TRIP6: variants seen among roughly 807,000 people sequenced by gnomAD.
The protein encoded by TRIP6 is thyroid receptor-interacting protein 6.
In TRIP6, 33 loss-of-function variants were observed where a neutral mutation model predicts 51.9. The ratio of observed to expected loss-of-function variants is 0.64; its 90% CI spans 0.48 to 0.85. TRIP6 has a LOEUF of 0.85. Among genes scored for constraint, TRIP6 ranks in the 40% least tolerant of loss-of-function variants. TRIP6 has a pLI of 0.00. For missense variants in TRIP6, 661 were observed against 652.1 expected, an observed-to-expected ratio of 1.01 and a Z score of -0.15; for synonymous variants, 255 against 275.8, an observed-to-expected ratio of 0.92 and a Z score of 0.75.
intron 4 of TRIP6, among the ~76,000 whole-genome samples, chr7:100,869,636 A>T (rs1358332286): frequency 1.3e-5 from 2 of 148,486 alleles, no homozygotes; most frequent in Non-Finnish European, 3.0e-5. Context: ...CTGTCTCAAA[A>T]AAAAAAAAAA....
Position 100,870,514 on chromosome 7 carries a change from CAG to C in TRIP6, c.829+54_829+55del, listed in dbSNP as rs530029396. On this transcript the variant is annotated intron_variant, in intron 5 of 8. Coordinates refer to ENST00000200457, the MANE Select transcript of TRIP6 (RefSeq NM_003302.3). ...GGACGTGGGAAGGGAGGCTGGGAGA[CAG>C]AGGGGACAGTGGCTTCCTGGGTCTG... 8.7e-4 allele frequency: 1,392 copies of C among 1,605,992 alleles called. 3 individuals are homozygous for C. The highest frequency in any genetic ancestry group is 8.5e-3 in the African/African-American group (635 of 74,930).
At chr7:100,872,772 G>A (rs762900030) in intron 8 of TRIP6, 28 bp downstream of exon 8, 3 of 1,613,308 alleles carry the variant, frequency 1.9e-6, no homozygotes, top group Non-Finnish European at 2.5e-6. Context: ...CGTGCAAGGG[G>A]CTGGCAGTGT....
At chr7:100,872,014 T>TG (rs1491286150) in intron 7 of TRIP6, among the ~76,000 whole-genome samples, 1 of 130,804 alleles carries the variant, frequency 7.6e-6, no homozygotes, top group Non-Finnish European at 1.7e-5. Context: ...GTTTTCTTCG[T>TG]TTTTTTTTTT....
At chr7:100,869,846 T>C (rs1463956532) in intron 4 of TRIP6, among the ~76,000 whole-genome samples, 1 of 150,830 alleles carries the variant, frequency 6.6e-6, no homozygotes, top group Non-Finnish European at 1.5e-5. Flanking sequence ...GGTTTCAGGA[T>C]GATTCAAGCA....
At position 100,868,161 on chromosome 7, in the gene TRIP6, A is replaced by AC; in HGVS notation, c.291_292insC (p.Asp98ArgfsTer27). 6.2e-7 allele frequency: 1 copy of AC among 1,611,132 alleles called. No homozygotes were observed. The highest frequency in any genetic ancestry group is 8.5e-7 in the Non-Finnish European group (1 of 1,179,034). On this transcript the variant is annotated frameshift_variant, in exon 3 of 9. Coordinates refer to ENST00000200457, the MANE Select transcript of TRIP6 (RefSeq NM_003302.3). LOFTEE classifies it high-confidence loss of function. ...GCCCTGGAAGCCTGGACGCCGAGAT[A>AC]GACTTGCTGAGCAGCACGCTGGCCG...
rs764293965 is a variant in TRIP6, at chr7:100,868,191, G to A, written c.321G>A (p.Leu107=). The change falls in exon 3 of 9, where the codon CTG becomes CTA. Residue 107 remains leucine (L), a synonymous_variant. Coordinates refer to ENST00000200457, the MANE Select transcript of TRIP6 (RefSeq NM_003302.3). ...IDLLSSTLAE[L]NGGRGHASRR... is the part of the protein sequence containing the mutation. ...TGCTGAGCAGCACGCTGGCCGAGCT[G>A]AATGGGGGTCGGGGTCATGCGTCAC... 4.0e-5 allele frequency: 64 copies of A among 1,609,458 alleles called. No individual in the cohort carries two copies. Among genetic ancestry groups the A allele is most frequent in the Non-Finnish European group, 5.4e-5 (64 of 1,178,088 alleles).
Position 100,868,620 on chromosome 7 carries a change from G to A in TRIP6, c.489G>A (p.Pro163=), listed in dbSNP as rs745950801. Residue 163 remains proline (P), a synonymous_variant, in exon 4 of 9, where the codon CCG becomes CCA. Coordinates refer to ENST00000200457, the MANE Select transcript of TRIP6 (RefSeq NM_003302.3). The part of the protein sequence containing the change: ...TPASYTTAST[P]AGPAFPVQVK... ...CCTCTTACACTACCGCCAGCACCCC[G>A]GCTGGCCCAGCCTTCCCCGTGCAAG... The A allele has an allele frequency of 3.7e-5, 60 of 1,612,516 alleles. No individual in the cohort carries two copies. The highest frequency in any genetic ancestry group is 4.3e-5 in the Non-Finnish European group (51 of 1,179,846).
chr7:100,867,668 G>A lies in TRIP6; in HGVS notation c.109+62G>A. On this transcript the variant is annotated intron_variant, in intron 1 of 8. Transcript: ENST00000200457. This position sits in a 1 kb window ranked among gnomAD's most constrained non-coding sequence, Gnocchi z 5.4. ...CTGTGGCGCTCACCTCTGTCCTACC[G>A]CTCCAGCCTCCCGCCCTGGCTGCTT... The A allele has an allele frequency of 1.3e-6, 2 of 1,563,616 alleles. No individual in the cohort carries two copies. Among genetic ancestry groups the A allele is most frequent in the South Asian group, 1.1e-5 (1 of 88,228 alleles).
intron 7 of TRIP6, 125 bp downstream of exon 7, chr7:100,871,846 AT>A: frequency 4.0e-6 from 5 of 1,261,744 alleles, no homozygotes; most frequent in Non-Finnish European, 5.4e-6. Context: ...TGTTATTGTT[AT>A]TTTTTAGAGA....
At position 100,873,211 on chromosome 7, in the gene TRIP6, G is replaced by A. The variant is rs1477373617; in HGVS notation, c.1339G>A (p.Gly447Ser). 1 of 1,613,618 alleles carries A rather than the reference G, an allele frequency of 6.2e-7. No homozygotes were observed. Among genetic ancestry groups the A allele is most frequent in the South Asian group, 1.1e-5 (1 of 91,064 alleles). The change falls in exon 9 of 9, where the codon GGC becomes AGC. Residue 447 changes from glycine (G) to serine (S), a missense_variant. Physicochemically the swap from Gly to Ser is moderately conservative, Grantham distance 56. Transcript: ENST00000200457. ...GCTCTCCTCTGAGGGCGAGTGTCAG[G>A]GCTGCTACCCGCTGGATGGGCACAT... ...LLLSSEGECQGCYPLDGHILC... is the reference protein window; with the variant it reads ...LLLSSEGECQSCYPLDGHILC...
chr7:100,868,188 G>A lies in TRIP6; in HGVS notation c.318G>A (p.Glu106=). The change falls in exon 3 of 9, where the codon GAG becomes GAA. Residue 106 remains glutamate (E), a synonymous_variant. Transcript: ENST00000200457. ...EIDLLSSTLA[E]LNGGRGHASR... ...ACTTGCTGAGCAGCACGCTGGCCGAGCTGAATGGGGGTCGGGGTCATGCGT... is the reference window on the plus strand; with the variant it reads ...ACTTGCTGAGCAGCACGCTGGCCGAACTGAATGGGGGTCGGGGTCATGCGT... 6.2e-7 allele frequency: 1 copy of A among 1,609,766 alleles called. No individual in the cohort carries two copies. The highest frequency in any genetic ancestry group is 8.5e-7 in the Non-Finnish European group (1 of 1,178,234).
rs749972186 is a variant in TRIP6 at position 100,868,576 on chromosome 7, T to C, written c.445T>C (p.Tyr149His). 1 of 1,612,960 alleles carries C rather than the reference T, an allele frequency of 6.2e-7. No individual in the cohort carries two copies. The highest frequency in any genetic ancestry group is 8.5e-7 in the Non-Finnish European group (1 of 1,179,976). The change falls in exon 4 of 9, where the codon TAT (tyrosine) becomes CAT (histidine). Residue 149 changes from tyrosine to histidine, a missense_variant. Physicochemically the swap from Tyr to His is moderately conservative, Grantham distance 83. Transcript: ENST00000200457. The part of the protein sequence containing the change: ...NPASPLPASP[Y>H]GGPTPASYTT... The stretch of plus-strand genomic sequence containing the variant: ...AGCCTCGCCGCTCCCAGCGTCTCCC[T>C]ATGGGGGCCCCACTCCAGCCTCTTA...
Position 100,867,408 on chromosome 7 carries a change from A to G in TRIP6, c.-90A>G. 1 of 966,606 alleles carries G rather than the reference A, an allele frequency of 1.0e-6. No individual in the cohort carries two copies. Among genetic ancestry groups the G allele is most frequent in the Non-Finnish European group, 1.4e-6 (1 of 695,186 alleles). 59.9% of individuals were successfully genotyped at this position (966,606 alleles called of 1,614,324 possible). ...AGCCAGAAAAAGTTTTCTTTTCTGGAGTCCCAAACGAGGTGCGGGACGGAA... is the reference window on the plus strand; with the variant it reads ...AGCCAGAAAAAGTTTTCTTTTCTGGGGTCCCAAACGAGGTGCGGGACGGAA... On this transcript the variant is annotated 5_prime_UTR_variant, in exon 1 of 9. Transcript: ENST00000200457. This position sits in a 1 kb window ranked among gnomAD's most constrained non-coding sequence, Gnocchi z 5.4.
At chr7:100,871,747 C>T in intron 7 of TRIP6, 26 bp downstream of exon 7, 2 of 1,607,618 alleles carry the variant, frequency 1.2e-6, no homozygotes, top group African/African-American at 1.3e-5. Context: ...CACCTTGTCT[C>T]ACAATGTCTG....
rs1372718846 is a variant in TRIP6, at chr7:100,867,901, A to G, written c.150A>G (p.Pro50=). ...CCAGGGTCAATTTTTGCCCCCTTCCATCTGAGCAGTGTTACCAGGCCCCAG... is the reference window on the plus strand; with the variant it reads ...CCAGGGTCAATTTTTGCCCCCTTCCGTCTGAGCAGTGTTACCAGGCCCCAG... ...PHPRVNFCPL[P]SEQCYQAPGG... The change falls in exon 2 of 9, where the codon CCA becomes CCG. Residue 50 remains proline, a synonymous_variant. Transcript: ENST00000200457. This position sits in a 1 kb window ranked among gnomAD's most constrained non-coding sequence, Gnocchi z 5.4. 2.0e-6 allele frequency: 3 copies of G among 1,529,640 alleles called. No individual in the cohort carries two copies. The highest frequency in any genetic ancestry group is 2.6e-6 in the Non-Finnish European group (3 of 1,147,544). The allele number at this position is 1,529,640 out of a possible 1,614,324, so 94.8% of individuals were successfully genotyped here.
intron 7 of TRIP6, among the ~76,000 whole-genome samples, 163 bp downstream of exon 7, chr7:100,871,884 G>T (rs1267204628): frequency 1.3e-5 from 2 of 152,214 alleles, no homozygotes; most frequent in Non-Finnish European, 2.9e-5. Context: ...TGCCCAGGCA[G>T]GAGTGCAATG....
Position 100,873,440 on chromosome 7 carries a change from C to G in TRIP6, c.*137C>G. On this transcript the variant is annotated 3_prime_UTR_variant, in exon 9 of 9. Coordinates refer to ENST00000200457, the MANE Select transcript of TRIP6 (RefSeq NM_003302.3). ...CTCCAATCAAGAAATAATAATCCCTCGAGTTTACAAAACACTTCCAAGTCT... is the reference window on the plus strand; with the variant it reads ...CTCCAATCAAGAAATAATAATCCCTGGAGTTTACAAAACACTTCCAAGTCT... 1 of 1,328,886 alleles carries G rather than the reference C, an allele frequency of 7.5e-7. No individual in the cohort carries two copies. The highest frequency in any genetic ancestry group is 1.6e-5 in the South Asian group (1 of 63,030). 82.3% of individuals were successfully genotyped at this position (1,328,886 alleles called of 1,614,324 possible). A position where few individuals can be genotyped will look rare whatever the true frequency, so the allele number is the denominator to read the frequency against.
rs748260838 is a variant in TRIP6 at position 100,873,256 on chromosome 7, G to T, written c.1384G>T (p.Ala462Ser). 6.2e-7 allele frequency: 1 copy of T among 1,613,234 alleles called. No homozygotes were observed. The highest frequency in any genetic ancestry group is 2.2e-5 in the East Asian group (1 of 44,834). The change falls in exon 9 of 9, where the codon GCC becomes TCC. Residue 462 changes from alanine to serine, a missense_variant. Coordinates refer to ENST00000200457, the MANE Select transcript of TRIP6 (RefSeq NM_003302.3). The stretch of plus-strand genomic sequence containing the variant: ...GCACATCTTGTGCAAGGCCTGCAGC[G>T]CCTGGCGCATCCAGGAGCTCTCAGC... ...DGHILCKACS[A>S]WRIQELSATV...
Position 100,867,932 on chromosome 7 carries a change from C to A in TRIP6, c.181C>A (p.Pro61Thr). The A allele has an allele frequency of 6.6e-7, 1 of 1,516,096 alleles. No homozygotes were observed. Among genetic ancestry groups the A allele is most frequent in the South Asian group, 1.3e-5 (1 of 74,588 alleles). 93.9% of individuals were successfully genotyped at this position (1,516,096 alleles called of 1,614,324 possible). ...SEQCYQAPGGPEDRGPAWVGS... is the reference protein window; with the variant it reads ...SEQCYQAPGGTEDRGPAWVGS... Reference sequence around the variant, plus strand: ...GCAGTGTTACCAGGCCCCAGGGGGACCGGAGGATCGGGGGCCGGCGTGGGT... The same window carrying A: ...GCAGTGTTACCAGGCCCCAGGGGGAACGGAGGATCGGGGGCCGGCGTGGGT... The change falls in exon 2 of 9, where the codon CCG (proline) becomes ACG (threonine). Residue 61 changes from proline to threonine, a missense_variant. By Grantham distance (38) the Pro-to-Thr change is conservative. Coordinates refer to ENST00000200457, the MANE Select transcript of TRIP6 (RefSeq NM_003302.3). This position sits in a 1 kb window ranked among gnomAD's most constrained non-coding sequence, Gnocchi z 5.4.
Sources: gnomAD v4.1 joint callset for allele counts (sites outside exome capture counted in the v4.1 genomes callset) on GRCh38, gnomAD v4.1.1 for gene constraint, Gnocchi (gnomAD v3.1) non-coding constraint, MANE v1.5 for transcripts, NCBI Gene and HGNC (gene_info 2026-07-23, HGNC 2026-07-21) for gene names.